The following SEMA6A variants were observed in gnomAD, a reference collection of about 807,000 sequenced individuals.
The protein encoded by SEMA6A is semaphorin 6A, also known as semaphorin-6A.
Under a neutral mutation model 96.8 loss-of-function variants are expected in SEMA6A, and 25 were observed. That is an observed-to-expected ratio of 0.26 (90% CI 0.19 to 0.36). The LOEUF is 0.36. SEMA6A is among the 10% of genes least tolerant of loss of function. SEMA6A has a pLI of 1.00. For synonymous variants in SEMA6A, 612 were observed against 518.0 expected (o/e 1.18, Z -2.46); for missense variants, 1,363 against 1,323.1 (o/e 1.03, Z -0.47).
chr5:116,459,317 A>G (rs1310192089), intron 18 of SEMA6A, among the ~76,000 whole-genome samples: 1 of 152,168 alleles, frequency 6.6e-6, no homozygotes, highest in African/African-American at 2.4e-5. Flanking sequence ...TAATAACCTA[A>G]TATGATTAAA....
intron 1 of SEMA6A, among the ~76,000 whole-genome samples, chr5:116,542,850 TC>T (rs1325382835): frequency 6.6e-6 from 1 of 152,134 alleles, no homozygotes; most frequent in Non-Finnish European, 1.5e-5. Flanking sequence ...TTGCTTCACT[TC>T]CCCGGCCTGG....
At chr5:116,507,279 T>C (rs565521802) in intron 1 of SEMA6A, among the ~76,000 whole-genome samples, 53 of 152,358 alleles carry the variant, frequency 3.5e-4, no homozygotes, top group Non-Finnish European at 6.5e-4. Context: ...ATGAACACTT[T>C]AAAATTTTCT....
chr5:116,493,834 A>G (rs1450937826), intron 6 of SEMA6A, among the ~76,000 whole-genome samples: 1 of 152,180 alleles, frequency 6.6e-6, no homozygotes, highest in South Asian at 2.1e-4. Context: ...TCTCTAAACC[A>G]AAGCTTACTG....
intron 17 of SEMA6A, chr5:116,468,090 C>T (rs1755885171): frequency 8.2e-6 from 2 of 244,448 alleles, no homozygotes; most frequent in African/African-American, 4.5e-5. Context: ...ATGGTGAAAG[C>T]ATCTTGCACA....
intron 1 of SEMA6A, among the ~76,000 whole-genome samples, chr5:116,528,582 AAGCCTTTCTGC>A (rs1296986380): frequency 2.6e-5 from 4 of 152,162 alleles, no homozygotes; most frequent in African/African-American, 9.7e-5. Flanking sequence ...CTGCCACTAA[AAGCCTTTCTGC>A]AGCCCTGCAT....
rs760495845 is a variant in SEMA6A, at chr5:116,486,953, C to G, written c.758G>C (p.Arg253Thr). Reference protein sequence around the residue: ...YNTMGKVVFPRVAQVCKNDMG... With the variant: ...YNTMGKVVFPTVAQVCKNDMG... ...ATCATTCTTACAAACCTGAGCCACT[C>G]TTGGGAAAACTACCTGCAGAGGAAA... is the stretch of plus-strand genomic sequence containing the variant. Residue 253 changes from arginine to threonine, a missense_variant, in exon 10 of 19, where the codon AGA becomes ACA. Coordinates refer to ENST00000343348, the MANE Select transcript of SEMA6A (RefSeq NM_020796.5). The G allele has an allele frequency of 1.9e-6, 3 of 1,613,254 alleles. No individual in the cohort carries two copies. The highest frequency in any genetic ancestry group is 3.3e-5 in the Admixed American group (2 of 59,994).
intron 1 of SEMA6A, among the ~76,000 whole-genome samples, chr5:116,564,879 G>GA (rs1760967517): frequency 6.6e-6 from 1 of 152,166 alleles, no homozygotes. Context: ...TGTAAAAAAG[G>GA]AAAGGTTAAA....
rs992061242 is a variant in SEMA6A at position 116,503,265 on chromosome 5, C to T, written c.101-938G>A. Reference sequence around the variant, plus strand: ...GAAAACCATTCACAGATTTATGCTTCGACCCTCACTTTACACCCTTGTAGT... The same window carrying T: ...GAAAACCATTCACAGATTTATGCTTTGACCCTCACTTTACACCCTTGTAGT... On this transcript the variant is annotated intron_variant, in intron 2 of 18. Coordinates refer to ENST00000343348, the MANE Select transcript of SEMA6A (RefSeq NM_020796.5). 3.9e-5 allele frequency among the ~76,000 whole-genome samples: 6 copies of T among 152,114 alleles called. 1 individual carries two copies. The highest frequency in any genetic ancestry group is 4.8e-5 in the African/African-American group (2 of 41,406).
chr5:116,459,732 C>A (rs1350954373), intron 18 of SEMA6A, among the ~76,000 whole-genome samples: 1 of 152,152 alleles, frequency 6.6e-6, no homozygotes, highest in East Asian at 1.9e-4. Context: ...AGTACTCTCC[C>A]TCCCCCTCTT....
At chr5:116,560,588 T>C (rs1417617976) in intron 1 of SEMA6A, among the ~76,000 whole-genome samples, 6 of 151,868 alleles carry the variant, frequency 4.0e-5, no homozygotes, top group Non-Finnish European at 8.8e-5. Flanking sequence ...TAGGTAAGAG[T>C]TGCAAGCCCC....
chr5:116,469,723 C>T (rs761821765), intron 17 of SEMA6A, among the ~76,000 whole-genome samples: 1 of 152,102 alleles, frequency 6.6e-6, no homozygotes, highest in Non-Finnish European at 1.5e-5. Context: ...TTTCTTAATA[C>T]GGTAATCTAG....
chr5:116,520,381 G>A lies in SEMA6A; in HGVS notation c.-38-15399C>T, dbSNP rs112656060. 6.1e-3 allele frequency among the ~76,000 whole-genome samples: 927 copies of A among 151,046 alleles called. 18 individuals carry two copies. The highest frequency in any genetic ancestry group is 0.021 in the African/African-American group (879 of 41,110). On this transcript the variant is annotated intron_variant, in intron 1 of 18. Coordinates refer to ENST00000343348, the MANE Select transcript of SEMA6A (RefSeq NM_020796.5). ...AATGTAAGCTCTATGTGGGTAAATT[G>A]GTCTTATTAATCACTGTATCCCTCC... is the stretch of plus-strand genomic sequence containing the variant.
chr5:116,491,309 G>T (rs1315053073), intron 7 of SEMA6A, among the ~76,000 whole-genome samples: 1 of 152,150 alleles, frequency 6.6e-6, no homozygotes, highest in Non-Finnish European at 1.5e-5. Context: ...ATAGAGCATG[G>T]GAATGAAAAG....
At chr5:116,477,803 G>T (rs751499234) in intron 15 of SEMA6A, 43 bp downstream of exon 15, 2 of 1,591,748 alleles carry the variant, frequency 1.3e-6, no homozygotes, top group South Asian at 1.1e-5. Context: ...ATACACCTTG[G>T]CTGGAAGCCA....
At chr5:116,538,653 G>A (rs1393857994) in intron 1 of SEMA6A, among the ~76,000 whole-genome samples, 3 of 152,056 alleles carry the variant, frequency 2.0e-5, no homozygotes, top group African/African-American at 7.2e-5. Context: ...TTATACATTT[G>A]TTAGAATGTA....
intron 1 of SEMA6A, among the ~76,000 whole-genome samples, chr5:116,512,737 T>A (rs1758472603): frequency 6.8e-6 from 1 of 146,384 alleles, no homozygotes; most frequent in Admixed American, 6.8e-5. Context: ...TGCAGTTTAC[T>A]TGGATGTTTA....
chr5:116,475,343 C>G (rs1287797859), intron 16 of SEMA6A, among the ~76,000 whole-genome samples: 1 of 152,136 alleles, frequency 6.6e-6, no homozygotes, highest in Non-Finnish European at 1.5e-5. Flanking sequence ...GAAATAGGTG[C>G]CAGCATTTAT....
intron 1 of SEMA6A, among the ~76,000 whole-genome samples, chr5:116,518,571 A>G (rs1225907015): frequency 7.2e-5 from 11 of 152,322 alleles, no homozygotes; most frequent in African/African-American, 2.6e-4. Flanking sequence ...GGTCAGACAA[A>G]AGAGAGGTGA....
At chr5:116,457,101 G>A (rs1277054221) in intron 18 of SEMA6A, among the ~76,000 whole-genome samples, 1 of 152,130 alleles carries the variant, frequency 6.6e-6, no homozygotes, top group Non-Finnish European at 1.5e-5. Flanking sequence ...GAGTTGAACT[G>A]AATCTGCAAA....
Sources: gnomAD v4.1 joint callset for allele counts (sites outside exome capture counted in the v4.1 genomes callset) on GRCh38, gnomAD v4.1.1 for gene constraint, MANE v1.5 for transcripts, NCBI Gene and HGNC (gene_info 2026-07-23, HGNC 2026-07-21) for gene names.